BAZ2B: variants seen among roughly 807,000 people sequenced by gnomAD.
BAZ2B encodes bromodomain adjacent to zinc finger domain protein 2B.
A neutral mutation model predicts 246.0 loss-of-function variants in BAZ2B; 91 were observed. The ratio of observed to expected loss-of-function variants is 0.37; its 90% CI spans 0.31 to 0.44. The LOEUF (loss-of-function observed/expected upper bound fraction) is 0.44. Ranked by LOEUF, BAZ2B falls within the 20% of genes least tolerant of loss-of-function variation. BAZ2B has a pLI of 1.00. For missense variants in BAZ2B, 2,332 were observed against 2,533.7 expected, an observed-to-expected ratio of 0.92 and a Z score of 1.71; for synonymous variants, 855 against 860.0, an observed-to-expected ratio of 0.99 and a Z score of 0.10.
At chr2:159,395,882 G>A (rs1278321222) in intron 19 of BAZ2B, 48 bp from the exon 20 acceptor site, 1 of 1,502,740 alleles carries the variant, frequency 6.7e-7, no homozygotes, top group Non-Finnish European at 9.1e-7. Context: ...ACAATTAACA[G>A]TTTGATTTTC....
intron 2 of BAZ2B, among the ~76,000 whole-genome samples, chr2:159,545,878 A>C (rs2087263938): frequency 6.6e-6 from 1 of 152,194 alleles, no homozygotes; most frequent in African/African-American, 2.4e-5. Flanking sequence ...CGACTGACTT[A>C]TTATATTGTT....
chr2:159,383,699 A>G lies in BAZ2B; in HGVS notation c.3687-19T>C. On this transcript the variant is annotated intron_variant, in intron 23 of 36. Coordinates refer to ENST00000392783, the MANE Select transcript of BAZ2B (RefSeq NM_013450.4). ...GATTTCACTGCCAATGCAAGAATTT[A>G]TTAAAAAGTGTAAATTAATCAATTT... is the stretch of plus-strand genomic sequence containing the variant. The G allele has an allele frequency of 6.3e-7, 1 of 1,596,252 alleles. No homozygotes were observed. The highest frequency in any genetic ancestry group is 1.3e-5 in the African/African-American group (1 of 74,444).
the BAZ2B span, among the ~76,000 whole-genome samples, chr2:159,709,033 A>T: frequency 6.6e-6 from 1 of 152,084 alleles, no homozygotes; most frequent in Admixed American, 6.6e-5. Flanking sequence ...AGAGTTTATT[A>T]TTTTTGTTAT....
chr2:159,409,706 G>A (rs2066525974), intron 14 of BAZ2B, among the ~76,000 whole-genome samples: 1 of 152,020 alleles, frequency 6.6e-6, no homozygotes, highest in African/African-American at 2.4e-5. Flanking sequence ...GTGATAAACT[G>A]TTTCATTTTT....
At chr2:159,659,824 A>G in the BAZ2B span, among the ~76,000 whole-genome samples, 11,647 of 152,246 alleles carry the variant, frequency 0.077, 937 homozygotes, top group African/African-American at 0.2. Flanking sequence ...TGTTTCTGAC[A>G]AATTTATCCA....
intron 35 of BAZ2B, 105 bp from the exon 36 acceptor site, chr2:159,325,059 ATT>A (rs2063336657): frequency 2.1e-4 from 5 of 24,098 alleles, no homozygotes; most frequent in African/African-American, 1.1e-3. Flanking sequence ...ATATATATAT[ATT>A]ATATATATAT....
intron 1 of BAZ2B, among the ~76,000 whole-genome samples, chr2:159,612,676 T>C (rs1207624366): frequency 6.6e-6 from 1 of 152,114 alleles, no homozygotes; most frequent in Non-Finnish European, 1.5e-5. Context: ...ACAAAGACAT[T>C]AACAATTGCA....
chr2:159,438,149 A>G, intron 8 of BAZ2B, 154 bp downstream of exon 8: 1 of 701,022 alleles, frequency 1.4e-6, no homozygotes, highest in Non-Finnish European at 2.3e-6. Flanking sequence ...AATCAGAGAA[A>G]TTTAGTTTTC....
intron 9 of BAZ2B, 31 bp downstream of exon 9, chr2:159,432,726 G>A (rs1250429619): frequency 2.5e-6 from 4 of 1,592,464 alleles, no homozygotes; most frequent in Non-Finnish European, 3.4e-6. Context: ...AGCATTTAGA[G>A]AAATACTTTA....
chr2:159,412,005 T>C (rs2066910479), intron 14 of BAZ2B: 1 of 983,112 alleles, frequency 1.0e-6, no homozygotes, highest in Non-Finnish European at 1.2e-6. Flanking sequence ...GCTGTTAAAA[T>C]GAGAATTTCC....
chr2:159,342,141 G>A (rs1411563196), intron 31 of BAZ2B, among the ~76,000 whole-genome samples: 1 of 152,052 alleles, frequency 6.6e-6, no homozygotes, highest in Non-Finnish European at 1.5e-5. Context: ...ATCTCTACAT[G>A]GAAATTGCAT....
chr2:159,623,129 GAA>G, the BAZ2B span, among the ~76,000 whole-genome samples: 2 of 149,682 alleles, frequency 1.3e-5, no homozygotes, highest in Non-Finnish European at 3.0e-5. Context: ...GGAAGGGAGA[GAA>G]AAAGAAAGAT....
At chr2:159,331,955 T>A (rs2064863123) in intron 34 of BAZ2B, among the ~76,000 whole-genome samples, 1 of 152,070 alleles carries the variant, frequency 6.6e-6, no homozygotes, top group Non-Finnish European at 1.5e-5. Context: ...TTGTTGGAGT[T>A]GAAGTGCTAC....
the BAZ2B span, among the ~76,000 whole-genome samples, chr2:159,656,788 C>T: frequency 7.5e-4 from 114 of 152,236 alleles, no homozygotes; most frequent in Admixed American, 4.2e-3. Flanking sequence ...ATTTGCCATA[C>T]GTATCTTTTC....
chr2:159,385,663 T>C (rs1434777145), intron 22 of BAZ2B, among the ~76,000 whole-genome samples: 1 of 152,092 alleles, frequency 6.6e-6, no homozygotes, highest in African/African-American at 2.4e-5. Flanking sequence ...TCCATGACTA[T>C]AAAAGCGACA....
intron 3 of BAZ2B, among the ~76,000 whole-genome samples, chr2:159,476,866 C>G (rs530737803): frequency 6.6e-6 from 1 of 152,244 alleles, no homozygotes; most frequent in African/African-American, 2.4e-5. Flanking sequence ...ATCATAGCAT[C>G]GCTATTTTTG....
intron 2 of BAZ2B, among the ~76,000 whole-genome samples, chr2:159,494,756 A>G (rs10203954): frequency 0.13 from 19,234 of 152,268 alleles, 1,465 homozygotes; most frequent in African/African-American, 0.22. Flanking sequence ...TGATAATTAT[A>G]CAAACTTTAA....
At chr2:159,629,799 TG>T in the BAZ2B span, among the ~76,000 whole-genome samples, 1 of 152,010 alleles carries the variant, frequency 6.6e-6, no homozygotes, top group Non-Finnish European at 1.5e-5. Context: ...ATTCTGCACA[TG>T]TAACCCAGAA....
intron 25 of BAZ2B, among the ~76,000 whole-genome samples, chr2:159,379,549 T>C (rs374117036): frequency 6.6e-6 from 1 of 152,218 alleles, no homozygotes; most frequent in South Asian, 2.1e-4. Flanking sequence ...TTTACCATTC[T>C]GATTTAAAAT....
Sources: gnomAD v4.1 joint callset for allele counts (sites outside exome capture counted in the v4.1 genomes callset) on GRCh38, gnomAD v4.1.1 for gene constraint, MANE v1.5 for transcripts, NCBI Gene and HGNC (gene_info 2026-07-23, HGNC 2026-07-21) for gene names.